Variants in C8orf74 observed in about 807,000 individuals in gnomAD.
C8orf74 encodes the protein uncharacterized protein C8orf74.
A neutral mutation model predicts 22.2 loss-of-function variants in C8orf74; 29 were observed. The observed-to-expected ratio is 1.31, with a 90% CI of 0.97 to 1.78. The LOEUF is 1.78. Among genes scored for constraint, C8orf74 ranks in the 40% most tolerant of loss-of-function variants. The probability of loss-of-function intolerance (pLI) is 0.00; values close to 1 mark genes in which losing one functional copy is unlikely to be tolerated. For missense variants in C8orf74, 515 were observed against 369.9 expected (o/e 1.39, Z -3.22); for synonymous variants, 255 against 163.1 (o/e 1.56, Z -4.30).
At chr8:10,686,931 C>T (rs934116055) in intron 2 of C8orf74, 6 of 356,314 alleles carry the variant, frequency 1.7e-5, no homozygotes, top group African/African-American at 1.1e-4. Context: ...GAAAGAGCCT[C>T]CACTACTCTT....
At chr8:10,685,770 T>C (rs756910375) in intron 2 of C8orf74, among the ~76,000 whole-genome samples, 4 of 152,172 alleles carry the variant, frequency 2.6e-5, no homozygotes, top group Non-Finnish European at 5.9e-5. Flanking sequence ...GACTATAAAC[T>C]TAAAAATAGT....
At chr8:10,672,989 A>T (rs1042626487) in intron 1 of C8orf74, among the ~76,000 whole-genome samples, 2 of 152,074 alleles carry the variant, frequency 1.3e-5, no homozygotes, top group African/African-American at 2.4e-5. Context: ...CTCCTCTGGG[A>T]CCCTGAGGGT....
chr8:10,700,251 T>A lies in C8orf74; in HGVS notation c.665T>A (p.Ile222Asn). 6.3e-7 allele frequency: 1 copy of A among 1,599,684 alleles called. No homozygotes were observed. Among genetic ancestry groups the A allele is most frequent in the Middle Eastern group, 1.7e-4 (1 of 5,996 alleles). ...VLERQELESL[I>N]CQAVHTQMEL... ...TCCTTCCAGGAGTTGGAGAGCCTCA[T>A]CTGCCAGGCAGTCCACACCCAGATG... The change falls in exon 4 of 4, where the codon ATC becomes AAC. Residue 222 changes from isoleucine to asparagine, a missense_variant. Coordinates refer to ENST00000304519, the MANE Select transcript of C8orf74 (RefSeq NM_001040032.2).
At chr8:10,676,208 AT>A (rs1345832557) in intron 2 of C8orf74, among the ~76,000 whole-genome samples, 4 of 152,108 alleles carry the variant, frequency 2.6e-5, no homozygotes, top group African/African-American at 9.7e-5. Flanking sequence ...TAAGTGAGGT[AT>A]ATTAGAGGTC....
chr8:10,683,043 T>C (rs768317775), intron 2 of C8orf74, among the ~76,000 whole-genome samples: 2 of 152,228 alleles, frequency 1.3e-5, no homozygotes, highest in African/African-American at 2.4e-5. Flanking sequence ...TGACTTTTCA[T>C]TTGGACAACG....
chr8:10,673,133 C>A (rs1798952395), intron 1 of C8orf74, among the ~76,000 whole-genome samples: 1 of 152,124 alleles, frequency 6.6e-6, no homozygotes, highest in Admixed American at 6.5e-5. Context: ...GACTCTAGGC[C>A]TCCCTCTGTC....
intron 2 of C8orf74, among the ~76,000 whole-genome samples, chr8:10,697,377 G>A (rs1354510251): frequency 1.3e-5 from 2 of 152,182 alleles, no homozygotes; most frequent in Non-Finnish European, 2.9e-5. Context: ...GGCGGCTGCA[G>A]CGAGCTGCAG....
chr8:10,689,842 G>C (rs116125104), intron 2 of C8orf74: 2 of 152,150 alleles, frequency 1.3e-5, no homozygotes, highest in Non-Finnish European at 2.9e-5. Context: ...CACTCTTCTC[G>C]TCATTTTCAT....
In C8orf74 at chr8:10,700,308, T is replaced by C; in HGVS notation, c.722T>C (p.Ile241Thr). The change falls in exon 4 of 4, where the codon ATC (isoleucine) becomes ACC (threonine). Residue 241 changes from isoleucine (I) to threonine (T), a missense_variant. Coordinates refer to ENST00000304519, the MANE Select transcript of C8orf74 (RefSeq NM_001040032.2). ...CTGCAGGAGCTGCTGCAGCGCCAGA[T>C]CCAGAACACATTCGCCATCTTGGAC... ...ELLQELLQRQ[I>T]QNTFAILDLK... 1 of 1,613,760 alleles carries C rather than the reference T, an allele frequency of 6.2e-7. No homozygotes were observed. Among genetic ancestry groups the C allele is most frequent in the Non-Finnish European group, 8.5e-7 (1 of 1,179,820 alleles).
intron 2 of C8orf74, chr8:10,689,360 A>G (rs1799326695): frequency 6.6e-6 from 1 of 152,252 alleles, no homozygotes; most frequent in Admixed American, 6.5e-5. Flanking sequence ...TCCTTGGTCC[A>G]GAGAGACTAC....
chr8:10,679,482 C>G (rs959626518), intron 2 of C8orf74, among the ~76,000 whole-genome samples: 2 of 152,180 alleles, frequency 1.3e-5, no homozygotes, highest in Non-Finnish European at 2.9e-5. Flanking sequence ...TGGTGTCATC[C>G]AAGTGGCACT....
chr8:10,694,873 T>A (rs1476416909), intron 2 of C8orf74, among the ~76,000 whole-genome samples: 1 of 151,846 alleles, frequency 6.6e-6, no homozygotes, highest in Non-Finnish European at 1.5e-5. Flanking sequence ...GAAGAGTGGA[T>A]GAATGAATGG....
chr8:10,679,620 C>A (rs763894821), intron 2 of C8orf74, among the ~76,000 whole-genome samples: 5 of 152,240 alleles, frequency 3.3e-5, no homozygotes, highest in African/African-American at 4.8e-5. Flanking sequence ...TCGCATCACC[C>A]AGAGCTGATC....
intron 3 of C8orf74, among the ~76,000 whole-genome samples, chr8:10,698,519 G>A (rs1477286396): frequency 1.3e-5 from 2 of 152,064 alleles, no homozygotes; most frequent in African/African-American, 2.4e-5. Flanking sequence ...AGGAGGATCC[G>A]GTGCCTGGAT....
rs141532107 is a variant in C8orf74 at position 10,680,683 on chromosome 8, T to C, written c.241+5845T>C. ...GACTCTAACCAGCTGCCCACACTCATGCTTGGCCCTGAGCACACAAGGGTG... is the reference window on the plus strand; with the variant it reads ...GACTCTAACCAGCTGCCCACACTCACGCTTGGCCCTGAGCACACAAGGGTG... On this transcript the variant is annotated intron_variant, in intron 2 of 3. Transcript: ENST00000304519. 4.4e-3 allele frequency among the ~76,000 whole-genome samples: 677 copies of C among 152,342 alleles called. 5 individuals carry two copies. The highest frequency in any genetic ancestry group is 0.017 in the Middle Eastern group (5 of 294).
chr8:10,687,425 G>C (rs1799284185), intron 2 of C8orf74, among the ~76,000 whole-genome samples: 1 of 152,066 alleles, frequency 6.6e-6, no homozygotes, highest in Non-Finnish European at 1.5e-5. Flanking sequence ...CAAGGCGGGT[G>C]TATCACCTGA....
Position 10,672,646 on chromosome 8 carries a change from G to T in C8orf74, c.-20G>T. 6.4e-7 allele frequency: 1 copy of T among 1,560,208 alleles called. No individual in the cohort carries two copies. On this transcript the variant is annotated 5_prime_UTR_variant, in exon 1 of 4. Transcript: ENST00000304519. ...CTGAGTCAGTCTGGCTCCGTCTCCT[G>T]GCAACCAGATGCAGGGGCCATGGCA...
At chr8:10,687,607 C>A (rs974720260) in intron 2 of C8orf74, among the ~76,000 whole-genome samples, 2 of 125,698 alleles carry the variant, frequency 1.6e-5, no homozygotes, top group African/African-American at 3.3e-5. Flanking sequence ...CACAGTGAGA[C>A]TCCATCTCAA....
In C8orf74 at chr8:10,672,701, C is replaced by T. The variant is rs1227254798; in HGVS notation, c.36C>T (p.Val12=). Residue 12 remains valine, a synonymous_variant, in exon 1 of 4, where the codon GTC becomes GTT. Coordinates refer to ENST00000304519, the MANE Select transcript of C8orf74 (RefSeq NM_001040032.2). ...TAACACCCCAGGGAGTGAAAGAAGT[C>T]TTCCAACTTCAGGTGAAGGAAGAGA... ...ALLTPQGVKE[V]FQLQRPQGRE... is the part of the protein sequence containing the mutation. The T allele has an allele frequency of 2.6e-6, 4 of 1,563,376 alleles. No individual in the cohort carries two copies. Among genetic ancestry groups the T allele is most frequent in the South Asian group, 1.2e-5 (1 of 84,628 alleles).
Sources: gnomAD v4.1 joint callset for allele counts (sites outside exome capture counted in the v4.1 genomes callset) on GRCh38, gnomAD v4.1.1 for gene constraint, MANE v1.5 for transcripts, NCBI Gene and HGNC (gene_info 2026-07-23, HGNC 2026-07-21) for gene names.